GNG12: variants seen among roughly 807,000 people sequenced by gnomAD.
The protein encoded by GNG12 is guanine nucleotide-binding protein G(I)/G(S)/G(O) subunit gamma-12.
For missense variants in GNG12, 69 were observed against 83.8 expected, an observed-to-expected ratio of 0.82 and a Z score of 0.69; for synonymous variants, 28 against 29.7, an observed-to-expected ratio of 0.94 and a Z score of 0.19.
intron 2 of GNG12, among the ~76,000 whole-genome samples, chr1:67,732,577 C>T (rs1402349034): frequency 6.6e-6 from 1 of 152,218 alleles, no homozygotes; most frequent in Non-Finnish European, 1.5e-5. Flanking sequence ...AGTGGCAGGT[C>T]CCATAGCTCA....
intron 1 of GNG12, among the ~76,000 whole-genome samples, chr1:67,812,326 T>C (rs1327894834): frequency 6.6e-6 from 1 of 152,252 alleles, no homozygotes; most frequent in East Asian, 1.9e-4. Flanking sequence ...ATTGATTTTC[T>C]ACTTTGAGCC....
At chr1:67,750,713 GT>G (rs1646533989) in intron 2 of GNG12, among the ~76,000 whole-genome samples, 1 of 152,152 alleles carries the variant, frequency 6.6e-6, no homozygotes, top group African/African-American at 2.4e-5. Context: ...TGGGGCTTAG[GT>G]TTCCAGGCCC....
In GNG12 at chr1:67,705,481, G is replaced by A. The variant is rs1334891122; in HGVS notation, c.189C>T (p.Phe63=). 1 of 1,614,032 alleles carries A rather than the reference G, an allele frequency of 6.2e-7. No individual in the cohort carries two copies. The highest frequency in any genetic ancestry group is 8.5e-7 in the Non-Finnish European group (1 of 1,179,966). The part of the protein sequence containing the change: ...LIGIPTSENP[F]KDKKTCIIL ...AGATGATGCAAGTTTTTTTATCCTTGAAAGGGTTTTCTGAAGTTGGTATTC... is the reference window on the plus strand; with the variant it reads ...AGATGATGCAAGTTTTTTTATCCTTAAAAGGGTTTTCTGAAGTTGGTATTC... Residue 63 remains phenylalanine (F), a synonymous_variant, in exon 4 of 4, where the codon TTC becomes TTT. Transcript: ENST00000370982.
At chr1:67,753,032 T>C (rs1310392902) in intron 2 of GNG12, among the ~76,000 whole-genome samples, 1 of 152,228 alleles carries the variant, frequency 6.6e-6, no homozygotes, top group South Asian at 2.1e-4. Flanking sequence ...CACTTTGTCA[T>C]ACTACAATGG....
chr1:67,776,841 C>T (rs1447919094), intron 2 of GNG12, among the ~76,000 whole-genome samples: 4 of 152,110 alleles, frequency 2.6e-5, no homozygotes, highest in African/African-American at 9.7e-5. Context: ...TGTTATGCAG[C>T]ATAATATAAC....
intron 2 of GNG12, among the ~76,000 whole-genome samples, chr1:67,770,984 TGAGA>T (rs1216309739): frequency 6.6e-6 from 1 of 151,830 alleles, no homozygotes; most frequent in Admixed American, 6.6e-5. Context: ...GTGTGCGTGC[TGAGA>T]GAGAGTGAGT....
chr1:67,750,138 T>C (rs1646529927), intron 2 of GNG12, among the ~76,000 whole-genome samples: 1 of 152,172 alleles, frequency 6.6e-6, no homozygotes, highest in Non-Finnish European at 1.5e-5. Flanking sequence ...CCTTTCCTAA[T>C]AAGGTAATAC....
intron 3 of GNG12, among the ~76,000 whole-genome samples, chr1:67,706,128 T>C (rs1646246185): frequency 6.6e-6 from 1 of 152,208 alleles, no homozygotes; most frequent in African/African-American, 2.4e-5. Flanking sequence ...TGTTAAAAAC[T>C]GGTGAATCCT....
chr1:67,750,029 T>A (rs913711603), intron 2 of GNG12, among the ~76,000 whole-genome samples: 3 of 152,130 alleles, frequency 2.0e-5, no homozygotes, highest in African/African-American at 7.2e-5. Flanking sequence ...GCTTCAGAAC[T>A]GAAACTCTGG....
intron 2 of GNG12, among the ~76,000 whole-genome samples, chr1:67,751,849 G>A (rs1646540542): frequency 6.6e-6 from 1 of 152,148 alleles, no homozygotes; most frequent in African/African-American, 2.4e-5. Flanking sequence ...TGCTGAACAC[G>A]GGTACTGAAT....
At chr1:67,772,635 T>C (rs1646681434) in intron 2 of GNG12, 1 of 152,232 alleles carries the variant, frequency 6.6e-6, no homozygotes, top group Non-Finnish European at 1.5e-5. Flanking sequence ...AGACAAATTC[T>C]AAAAGAGCTG....
At chr1:67,778,201 TATTTA>T (rs1234851782) in intron 1 of GNG12, among the ~76,000 whole-genome samples, 1 of 151,866 alleles carries the variant, frequency 6.6e-6, no homozygotes, top group Admixed American at 6.6e-5. Context: ...TTAATTTTAA[TATTTA>T]ATTTAACCTA....
At chr1:67,778,626 C>T (rs192716357) in intron 1 of GNG12, among the ~76,000 whole-genome samples, 106 of 152,174 alleles carry the variant, frequency 7.0e-4, no homozygotes, top group African/African-American at 2.3e-3. Context: ...AATAACTTTA[C>T]GAGGTAAATA....
At chr1:67,734,326 T>G (rs779683423) in intron 2 of GNG12, among the ~76,000 whole-genome samples, 2 of 152,118 alleles carry the variant, frequency 1.3e-5, no homozygotes, top group Middle Eastern at 3.2e-3. Context: ...TTCTGAAGAC[T>G]GGGGAAACAG....
At chr1:67,739,329 C>A (rs1646469870) in intron 2 of GNG12, among the ~76,000 whole-genome samples, 1 of 152,206 alleles carries the variant, frequency 6.6e-6, no homozygotes. Context: ...ATGCTCAGGC[C>A]CCAAAGATTC....
chr1:67,767,922 A>G (rs1181378557), intron 2 of GNG12, among the ~76,000 whole-genome samples: 1 of 152,222 alleles, frequency 6.6e-6, no homozygotes, highest in Admixed American at 6.5e-5. Context: ...TTATCACAAA[A>G]AACAGTGTTC....
intron 1 of GNG12, among the ~76,000 whole-genome samples, chr1:67,813,726 GAATT>G (rs1646938896): frequency 6.6e-6 from 1 of 152,012 alleles, no homozygotes; most frequent in South Asian, 2.1e-4. Flanking sequence ...GAGCTAAACA[GAATT>G]AATTATACTG....
At chr1:67,821,881 T>C (rs1217016988) in intron 1 of GNG12, among the ~76,000 whole-genome samples, 2 of 152,092 alleles carry the variant, frequency 1.3e-5, no homozygotes, top group South Asian at 2.1e-4. Context: ...TACGGTGTTA[T>C]TATCTCTGTT....
chr1:67,721,474 A>T (rs1646355852), intron 2 of GNG12, among the ~76,000 whole-genome samples: 1 of 152,200 alleles, frequency 6.6e-6, no homozygotes, highest in Non-Finnish European at 1.5e-5. Context: ...AACAATCCTT[A>T]TGAATGATTT....
Sources: gnomAD v4.1 joint callset for allele counts (sites outside exome capture counted in the v4.1 genomes callset) on GRCh38, gnomAD v4.1.1 for gene constraint, MANE v1.5 for transcripts, NCBI Gene and HGNC (gene_info 2026-07-23, HGNC 2026-07-21) for gene names.